CHCHD3: variants seen among roughly 807,000 people sequenced by gnomAD.
CHCHD3 encodes the protein coiled-coil-helix-coiled-coil-helix domain containing 3, also known as MICOS complex subunit MIC19.
CHCHD3 carries 20 observed loss-of-function variants against 38.2 expected under a neutral mutation model. That is an observed-to-expected ratio of 0.52 (90% CI 0.37 to 0.76). The LOEUF (loss-of-function observed/expected upper bound fraction) is 0.76. Ranked by LOEUF, CHCHD3 falls within the 30% of genes least tolerant of loss-of-function variation. The pLI is 0.00. For synonymous variants in CHCHD3, 82 were observed against 100.0 expected, an observed-to-expected ratio of 0.82 and a Z score of 1.07; for missense variants, 245 against 279.2, an observed-to-expected ratio of 0.88 and a Z score of 0.87.
intron 2 of CHCHD3, among the ~76,000 whole-genome samples, chr7:133,033,942 C>G (rs541290491): frequency 1.7e-5 from 2 of 118,700 alleles, no homozygotes; most frequent in Admixed American, 8.4e-5. Context: ...CCTAAACACT[C>G]CAGGTCTCTG....
chr7:132,857,569 A>G (rs1808371394), intron 5 of CHCHD3, among the ~76,000 whole-genome samples: 1 of 151,814 alleles, frequency 6.6e-6, no homozygotes. Flanking sequence ...CACCACCCCC[A>G]GCTAATTTTT....
At chr7:132,893,693 G>A (rs771350463) in intron 4 of CHCHD3, among the ~76,000 whole-genome samples, 91 of 152,270 alleles carry the variant, frequency 6.0e-4, no homozygotes, top group Non-Finnish European at 1.2e-3. Flanking sequence ...TCATGGGGGC[G>A]GTTTCCCACG....
At chr7:133,029,058 C>T (rs1813429188) in intron 2 of CHCHD3, among the ~76,000 whole-genome samples, 1 of 152,082 alleles carries the variant, frequency 6.6e-6, no homozygotes, top group African/African-American at 2.4e-5. Flanking sequence ...GCCTCCATAA[C>T]ATTAAGTAAC....
chr7:132,990,996 T>C (rs1328019442), intron 3 of CHCHD3, among the ~76,000 whole-genome samples: 2 of 138,878 alleles, frequency 1.4e-5, no homozygotes, highest in South Asian at 2.2e-4. Flanking sequence ...TAACTCATTC[T>C]GTCTCTTTTT....
chr7:132,937,607 C>T (rs972652170), intron 4 of CHCHD3, among the ~76,000 whole-genome samples: 1 of 152,140 alleles, frequency 6.6e-6, no homozygotes, highest in Non-Finnish European at 1.5e-5. Context: ...AAGAAATTGG[C>T]CTGCATTATA....
chr7:132,954,962 G>A (rs918814820), intron 4 of CHCHD3, among the ~76,000 whole-genome samples: 1 of 152,102 alleles, frequency 6.6e-6, no homozygotes, highest in African/African-American at 2.4e-5. Context: ...ATGTACCGCA[G>A]AGATGGGTTT....
At chr7:132,895,463 C>T (rs1809470416) in intron 4 of CHCHD3, among the ~76,000 whole-genome samples, 1 of 152,222 alleles carries the variant, frequency 6.6e-6, no homozygotes, top group Non-Finnish European at 1.5e-5. Flanking sequence ...GAGGCAAAAT[C>T]GCCTTCTGTG....
intron 5 of CHCHD3, among the ~76,000 whole-genome samples, chr7:132,866,875 G>A (rs1808639217): frequency 6.6e-6 from 1 of 152,168 alleles, no homozygotes; most frequent in Non-Finnish European, 1.5e-5. Flanking sequence ...AGAGATTTAG[G>A]TAACGAGTGT....
intron 2 of CHCHD3, among the ~76,000 whole-genome samples, chr7:133,059,025 AC>A (rs1241302396): frequency 6.6e-6 from 1 of 152,164 alleles, no homozygotes; most frequent in Non-Finnish European, 1.5e-5. Flanking sequence ...CAGAAGCCAA[AC>A]CAAACCGCAA....
intron 3 of CHCHD3, among the ~76,000 whole-genome samples, chr7:133,004,259 G>T (rs889641980): frequency 1.3e-5 from 2 of 152,200 alleles, no homozygotes; most frequent in Admixed American, 1.3e-4. Context: ...ACTACACCCA[G>T]CAGGCCTTAA....
At chr7:132,942,253 A>G (rs990734610) in intron 4 of CHCHD3, among the ~76,000 whole-genome samples, 5 of 152,156 alleles carry the variant, frequency 3.3e-5, no homozygotes, top group Non-Finnish European at 5.9e-5. Context: ...AAAACTCTCT[A>G]CAGTGACTAG....
At chr7:132,839,642 T>C (rs1807888226) in intron 5 of CHCHD3, among the ~76,000 whole-genome samples, 1 of 152,242 alleles carries the variant, frequency 6.6e-6, no homozygotes, top group Admixed American at 6.5e-5. Flanking sequence ...AAATCATTGT[T>C]GGTTGGTGAA....
In CHCHD3 at chr7:132,788,765, A is replaced by G. The variant is rs1466744962; in HGVS notation, c.661-3105T>C. Among the ~76,000 whole-genome samples the G allele has an allele frequency of 6.6e-6, 1 of 152,218 alleles. No homozygotes were observed. Among genetic ancestry groups the G allele is most frequent in the Non-Finnish European group, 1.5e-5 (1 of 68,028 alleles). ...ACATGTATTAAAATTCTAATCCTCC[A>G]AGATAGCACAGTGGTTCAGCTGATT... On this transcript the variant is annotated intron_variant, in intron 7 of 7. Coordinates refer to ENST00000262570, the MANE Select transcript of CHCHD3 (RefSeq NM_017812.4). The surrounding 1 kb of genome is among the most constrained non-coding windows in gnomAD (Gnocchi z 4.0).
chr7:132,978,245 T>A (rs967384233), intron 3 of CHCHD3, among the ~76,000 whole-genome samples: 5 of 152,098 alleles, frequency 3.3e-5, no homozygotes, highest in African/African-American at 1.2e-4. Context: ...AAGAAGACAA[T>A]CTCCAAATTC....
chr7:132,960,541 G>A (rs1328306396), intron 4 of CHCHD3, among the ~76,000 whole-genome samples: 1 of 152,134 alleles, frequency 6.6e-6, no homozygotes, highest in Non-Finnish European at 1.5e-5. Context: ...TATCACCTGT[G>A]CATGACAGGG....
chr7:133,033,900 A>G (rs1238921264), intron 2 of CHCHD3, among the ~76,000 whole-genome samples: 1 of 151,966 alleles, frequency 6.6e-6, no homozygotes, highest in Non-Finnish European at 1.5e-5. Context: ...TATTAATTCA[A>G]TAGAAATGGA....
rs1273541142 is a variant in CHCHD3 at position 133,082,084 on chromosome 7, C to T, written c.-147G>A. The T allele has an allele frequency of 1.2e-5, 8 of 670,112 alleles. No homozygotes were observed. Among genetic ancestry groups the T allele is most frequent in the Admixed American group, 6.7e-5 (2 of 29,810 alleles). The allele number at this position is 670,112 out of a possible 1,614,324, so 41.5% of individuals were successfully genotyped here. ...ACCCCCAGAAGCAAGGAGAAGGCGC[C>T]GGTCCTGAGCTCCCGCCTCCTCCGG... On this transcript the variant is annotated 5_prime_UTR_variant, in exon 1 of 8. Coordinates refer to ENST00000262570, the MANE Select transcript of CHCHD3 (RefSeq NM_017812.4).
intron 2 of CHCHD3, among the ~76,000 whole-genome samples, chr7:133,050,340 T>TA (rs35635002): frequency 0.085 from 2,711 of 31,818 alleles, 672 homozygotes; most frequent in Non-Finnish European, 0.12. Context: ...GGCTGTGTCT[T>TA]AAAAAAAAAA....
rs145647039 is a variant in CHCHD3 at position 132,916,701 on chromosome 7, C to T, written c.370-30956G>A. Reference sequence around the variant, plus strand: ...GCTTCAAGTGATCCTCCCACCTCAGCCTCCTGAGTAGCTGGGACCACCAGT... The same window carrying T: ...GCTTCAAGTGATCCTCCCACCTCAGTCTCCTGAGTAGCTGGGACCACCAGT... On this transcript the variant is annotated intron_variant, in intron 4 of 7. Transcript: ENST00000262570. 1.7e-3 allele frequency among the ~76,000 whole-genome samples: 253 copies of T among 152,248 alleles called. 2 individuals are homozygous for T. The highest frequency in any genetic ancestry group is 5.7e-3 in the African/African-American group (235 of 41,542).
Sources: gnomAD v4.1 joint callset for allele counts (sites outside exome capture counted in the v4.1 genomes callset) on GRCh38, gnomAD v4.1.1 for gene constraint, Gnocchi (gnomAD v3.1) non-coding constraint, MANE v1.5 for transcripts, NCBI Gene and HGNC (gene_info 2026-07-23, HGNC 2026-07-21) for gene names.